The following PTGES2 variants were observed in gnomAD, a reference collection of about 807,000 sequenced individuals.
The protein encoded by PTGES2 is prostaglandin E synthase 2.
PTGES2 carries 35 observed loss-of-function variants against 44.5 expected under a neutral mutation model. The ratio of observed to expected loss-of-function variants is 0.79; its 90% CI spans 0.60 to 1.04. The LOEUF is 1.04. Among genes scored for constraint, PTGES2 ranks in the 50% least tolerant of loss-of-function variants. PTGES2 has a pLI of 0.00. For missense variants in PTGES2, 517 were observed against 521.4 expected, an observed-to-expected ratio of 0.99 and a Z score of 0.08; for synonymous variants, 221 against 227.5, an observed-to-expected ratio of 0.97 and a Z score of 0.26.
In PTGES2 at chr9:128,126,093, GA is replaced by G. The variant is rs977746357; in HGVS notation, c.280-653del. ...GGCCTGCGTGTGGCAAGCTCCGCAG[GA>G]AAGCCCCCAGGGGAGCCTGCTGCAC... is the stretch of plus-strand genomic sequence containing the variant. On this transcript the variant is annotated intron_variant, in intron 1 of 6. Transcript: ENST00000338961. Among the ~76,000 whole-genome samples, 64 of 152,230 alleles carry G rather than the reference GA, an allele frequency of 4.2e-4. 1 individual carries two copies. Among genetic ancestry groups the G allele is most frequent in the Non-Finnish European group, 4.4e-5 (3 of 68,040 alleles).
chr9:128,124,845 G>A (rs1400678775), intron 2 of PTGES2: 6 of 1,261,396 alleles, frequency 4.8e-6, no homozygotes, highest in Non-Finnish European at 6.0e-6. Flanking sequence ...CCCAAGCACT[G>A]TGCCAGGCAT....
At position 128,125,458 on chromosome 9, in the gene PTGES2, G is replaced by C. The variant is rs774936675; in HGVS notation, c.280-17C>G. 2 of 1,613,276 alleles carry C rather than the reference G, an allele frequency of 1.2e-6. No individual in the cohort carries two copies. The highest frequency in any genetic ancestry group is 8.5e-7 in the Non-Finnish European group (1 of 1,179,762). On this transcript the variant is annotated splice_polypyrimidine_tract_variant and intron_variant, in intron 1 of 6. Transcript: ENST00000338961. Reference sequence around the variant, plus strand: ...CAGGGAGAGCTGCGGGCAGCAGACGGAAAAGGCTTCTAGACCTGGCACCCC... The same window carrying C: ...CAGGGAGAGCTGCGGGCAGCAGACGCAAAAGGCTTCTAGACCTGGCACCCC...
rs1335549789 is a variant in PTGES2, at chr9:128,125,347, AGG to A, written c.372_373del (p.Leu125AlafsTer14). ...GTTCACCTCCACCACCTGGTAGGGC[AGG>A]GCATGGAAGTCGAGGAAGGCTCGGA... On this transcript the variant is annotated frameshift_variant, in exon 2 of 7. Coordinates refer to ENST00000338961, the MANE Select transcript of PTGES2 (RefSeq NM_025072.7). LOFTEE classifies it high-confidence loss of function. 2 of 1,614,054 alleles carry A rather than the reference AGG, an allele frequency of 1.2e-6. No individual in the cohort carries two copies. The highest frequency in any genetic ancestry group is 1.7e-6 in the Non-Finnish European group (2 of 1,180,018).
At chr9:128,125,791 C>G (rs1321464398) in intron 1 of PTGES2, among the ~76,000 whole-genome samples, 1 of 152,224 alleles carries the variant, frequency 6.6e-6, no homozygotes, top group East Asian at 1.9e-4. Context: ...AGACATGGAA[C>G]AACTGTTTCA....
At chr9:128,124,349 G>C (rs1834538106) in intron 3 of PTGES2, 143 bp downstream of exon 3, 1 of 636,754 alleles carries the variant, frequency 1.6e-6, no homozygotes, top group African/African-American at 1.8e-5. Flanking sequence ...CTCCCAAAGT[G>C]CTGGGATTAC....
Position 128,122,392 on chromosome 9 carries a change from C to T in PTGES2, c.975G>A (p.Met325Ile), listed in dbSNP as rs768434128. The change falls in exon 6 of 7, where the codon ATG becomes ATA. Residue 325 changes from methionine to isoleucine, a missense_variant. Coordinates refer to ENST00000338961, the MANE Select transcript of PTGES2 (RefSeq NM_025072.7). ...VAAVGKDRPF[M>I]GGQKPNLADL... is the part of the protein sequence containing the mutation. The stretch of plus-strand genomic sequence containing the variant: ...CAGCGAGATTCGGCTTCTGGCCCCC[C>T]ATGAAGGGCCGGTCCTTGCCCACAG... 2 of 1,614,216 alleles carry T rather than the reference C, an allele frequency of 1.2e-6. No individual in the cohort carries two copies. Among genetic ancestry groups the T allele is most frequent in the Non-Finnish European group, 8.5e-7 (1 of 1,180,024 alleles).
chr9:128,121,866 C>T (rs7859121), intron 6 of PTGES2, among the ~76,000 whole-genome samples: 149,437 of 151,960 alleles, frequency 0.98, 73,530 homozygotes, highest in East Asian at 1. Flanking sequence ...CGAGCCAAGA[C>T]TGCACCGCTG....
chr9:128,125,122 T>C (rs1466971959), intron 2 of PTGES2, 122 bp downstream of exon 2: 12 of 933,218 alleles, frequency 1.3e-5, no homozygotes, highest in Non-Finnish European at 1.8e-5. Flanking sequence ...ACTTCCCCCA[T>C]AGTCCTTACA....
At position 128,123,077 on chromosome 9, in the gene PTGES2, G is replaced by C; in HGVS notation, c.744C>G (p.Pro248=). Residue 248 remains proline (P), a synonymous_variant, in exon 5 of 7, where the codon CCC becomes CCG. Transcript: ENST00000338961. The surrounding 1 kb of genome is among the most constrained non-coding windows in gnomAD (Gnocchi z 4.4). ...CCTCGGTGGGCGTGCGGTACACATT[G>C]GGGGAGATCAGGTGCACCAGCCAGT... ...ADDWLVHLIS[P]NVYRTPTEAL... is the part of the protein sequence containing the mutation. 1 of 1,612,528 alleles carries C rather than the reference G, an allele frequency of 6.2e-7. No individual in the cohort carries two copies. Among genetic ancestry groups the C allele is most frequent in the Non-Finnish European group, 8.5e-7 (1 of 1,179,974 alleles).
chr9:128,123,375 T>C lies in PTGES2; in HGVS notation c.687-241A>G, dbSNP rs1834498486. ...GATTCTCCTGCTTCAGCCTCCTTAG[T>C]AGCTGGGATTATAGGTGTGTGCCTC... On this transcript the variant is annotated intron_variant, in intron 4 of 6. Transcript: ENST00000338961. This position sits in a 1 kb window ranked among gnomAD's most constrained non-coding sequence, Gnocchi z 4.4. Among the ~76,000 whole-genome samples, 1 of 152,118 alleles carries C rather than the reference T, an allele frequency of 6.6e-6. No homozygotes were observed. Among genetic ancestry groups the C allele is most frequent in the Admixed American group, 6.5e-5 (1 of 15,278 alleles).
chr9:128,123,844 G>A lies in PTGES2; in HGVS notation c.544C>T (p.Leu182=), dbSNP rs769673732. 2 of 1,613,572 alleles carry A rather than the reference G, an allele frequency of 1.2e-6. No homozygotes were observed. The highest frequency in any genetic ancestry group is 1.3e-5 in the African/African-American group (1 of 74,888). ...GGGTAGTAGGTGATGATCTCTTCCA[G>A]GGGCTGCCTTCGGAGAGAGCCACAA... is the stretch of plus-strand genomic sequence containing the variant. ...LKTYLVSGQP[L]EEIITYYPAM... is the part of the protein sequence containing the mutation. The change falls in exon 4 of 7, where the codon CTG becomes TTG. Residue 182 remains leucine, a synonymous_variant. Transcript: ENST00000338961. This position sits in a 1 kb window ranked among gnomAD's most constrained non-coding sequence, Gnocchi z 4.4.
rs147364587 is a variant in PTGES2 at position 128,125,834 on chromosome 9, C to T, written c.280-393G>A. On this transcript the variant is annotated intron_variant, in intron 1 of 6. Coordinates refer to ENST00000338961, the MANE Select transcript of PTGES2 (RefSeq NM_025072.7). ...TTGTTCACTCTCACTCCTCTAACCCCAGGGACCTCTGGGGGCAGAGCTGGG... is the reference window on the plus strand; with the variant it reads ...TTGTTCACTCTCACTCCTCTAACCCTAGGGACCTCTGGGGGCAGAGCTGGG... 2.1e-3 allele frequency among the ~76,000 whole-genome samples: 316 copies of T among 152,334 alleles called. 4 individuals carry two copies. The East Asian group carries it at 0.03, about 15-fold the overall frequency.
chr9:128,123,122 C>T lies in PTGES2; in HGVS notation c.699G>A (p.Lys233=). 6.2e-7 allele frequency: 1 copy of T among 1,610,438 alleles called. No individual in the cohort carries two copies. Among genetic ancestry groups the T allele is most frequent in the Non-Finnish European group, 8.5e-7 (1 of 1,180,012 alleles). Residue 233 remains lysine, a synonymous_variant, in exon 5 of 7, where the codon AAG becomes AAA. Coordinates refer to ENST00000338961, the MANE Select transcript of PTGES2 (RefSeq NM_025072.7). This position sits in a 1 kb window ranked among gnomAD's most constrained non-coding sequence, Gnocchi z 4.4. ...GCCAGTCGTCCGCCCACTGCCGCCA[C>T]TTCATCTCCTCCCTGCGGGCACGGG... ...GGKEARTEEM[K]WRQWADDWLV... is the part of the protein sequence containing the mutation.
chr9:128,122,455 G>T lies in PTGES2; in HGVS notation c.912C>A (p.Arg304=), dbSNP rs139717665. ...TGTCAGCAGCCTCATAGAGGTCCTC[G>T]CGCACGTTGTCCTGGAGGCGGTGCC... ...KSRHRLQDNV[R]EDLYEAADKW... is the part of the protein sequence containing the mutation. The change falls in exon 6 of 7, where the codon CGC becomes CGA. Residue 304 remains arginine (R), a synonymous_variant. Coordinates refer to ENST00000338961, the MANE Select transcript of PTGES2 (RefSeq NM_025072.7). The T allele has an allele frequency of 6.2e-7, 1 of 1,614,116 alleles. No individual in the cohort carries two copies. The highest frequency in any genetic ancestry group is 8.5e-7 in the Non-Finnish European group (1 of 1,180,010).
intron 1 of PTGES2, among the ~76,000 whole-genome samples, chr9:128,125,852 G>C (rs1834599433): frequency 6.6e-6 from 1 of 152,226 alleles, no homozygotes; most frequent in Admixed American, 6.5e-5. Context: ...TCTGGGGGCA[G>C]AGCTGGGCTA....
rs1834507447 is a variant in PTGES2 at position 128,123,651 on chromosome 9, A to C, written c.686+51T>G. 1 of 1,577,118 alleles carries C rather than the reference A, an allele frequency of 6.3e-7. No homozygotes were observed. Among genetic ancestry groups the C allele is most frequent in the Non-Finnish European group, 8.7e-7 (1 of 1,155,390 alleles). ...CTTGCTCAGCTTGGTCCTACTCTACAGAAGACCCCTGCGGTCACCACCTTC... is the reference window on the plus strand; with the variant it reads ...CTTGCTCAGCTTGGTCCTACTCTACCGAAGACCCCTGCGGTCACCACCTTC... On this transcript the variant is annotated intron_variant, in intron 4 of 6. Coordinates refer to ENST00000338961, the MANE Select transcript of PTGES2 (RefSeq NM_025072.7). This position sits in a 1 kb window ranked among gnomAD's most constrained non-coding sequence, Gnocchi z 4.4.
chr9:128,127,817 G>A (rs1156288933), upstream of PTGES2: 12 of 1,131,042 alleles, frequency 1.1e-5, no homozygotes, highest in South Asian at 2.1e-4. Context: ...CGGGTTGGCC[G>A]GGGTGAGGGC....
chr9:128,127,703 C>T lies in PTGES2; in HGVS notation c.15G>A (p.Ala5=), dbSNP rs1834686419. 6.2e-6 allele frequency: 8 copies of T among 1,282,702 alleles called. No individual in the cohort carries two copies. The highest frequency in any genetic ancestry group is 7.9e-6 in the Non-Finnish European group (8 of 1,016,160). 79.5% of individuals were successfully genotyped at this position (1,282,702 alleles called of 1,614,324 possible). A position where few individuals can be genotyped will look rare whatever the true frequency, so the allele number is the denominator to read the frequency against. The change falls in exon 1 of 7, where the codon GCG becomes GCA. Residue 5 remains alanine (A), a synonymous_variant. Coordinates refer to ENST00000338961, the MANE Select transcript of PTGES2 (RefSeq NM_025072.7). Reference sequence around the variant, plus strand: ...CAGGCCACAGCGCCCGCACCACCCGCGCAGCCGGGTCCATGTTCGCTCCGC... The same window carrying T: ...CAGGCCACAGCGCCCGCACCACCCGTGCAGCCGGGTCCATGTTCGCTCCGC... The part of the protein sequence containing the change: MDPA[A]RVVRALWPGG...
intron 1 of PTGES2, among the ~76,000 whole-genome samples, chr9:128,126,864 C>CA (rs11411086): frequency 0.95 from 140,662 of 147,840 alleles, 67,077 homozygotes; most frequent in East Asian, 1. Context: ...AACTCCGTCT[C>CA]AAAAAAAAAA....
Sources: allele counts gnomAD v4.1 joint callset (sites outside exome capture counted in the v4.1 genomes callset), GRCh38; gene constraint gnomAD v4.1.1; non-coding constraint Gnocchi (gnomAD v3.1); transcripts MANE v1.5; gene names NCBI Gene and HGNC (gene_info 2026-07-23, HGNC 2026-07-21).